The following ETS1 variants were observed in gnomAD, a reference collection of about 807,000 sequenced individuals.
The protein encoded by ETS1 is protein C-ets-1.
In ETS1, 15 loss-of-function variants were observed where a neutral mutation model predicts 58.6. The ratio of observed to expected loss-of-function variants is 0.26; its 90% CI spans 0.17 to 0.39. The LOEUF (loss-of-function observed/expected upper bound fraction) is 0.39, where lower values mean the gene tolerates loss of function less well. Among genes scored for constraint, ETS1 ranks in the 10% least tolerant of loss-of-function variants. The pLI is 1.00. For synonymous variants in ETS1, 214 were observed against 218.2 expected (o/e 0.98, Z 0.17); for missense variants, 417 against 610.5 (o/e 0.68, Z 3.34).
intron 3 of ETS1, among the ~76,000 whole-genome samples, chr11:128,535,538 T>C (rs2135536331): frequency 6.6e-6 from 1 of 152,254 alleles, no homozygotes; most frequent in East Asian, 1.9e-4. Context: ...TCTTCTAGGG[T>C]TTTTATTGGA....
chr11:128,489,012 A>G (rs1862719213), intron 5 of ETS1, among the ~76,000 whole-genome samples: 1 of 152,234 alleles, frequency 6.6e-6, no homozygotes, highest in Non-Finnish European at 1.5e-5. Context: ...GTTTGAGATA[A>G]GGACCTGGAT....
chr11:128,503,464 G>T (rs770465204), intron 3 of ETS1, among the ~76,000 whole-genome samples: 2 of 152,066 alleles, frequency 1.3e-5, no homozygotes, highest in Non-Finnish European at 2.9e-5. Context: ...TCATAAACTT[G>T]AACTACCAGG....
chr11:128,571,500 T>TCCAGCCTGGGCGACAGAG (rs1565414945), intron 2 of ETS1, among the ~76,000 whole-genome samples: 7 of 36,140 alleles, frequency 1.9e-4, no homozygotes, highest in African/African-American at 7.5e-4. Context: ...CAAGACTCCG[T>TCCAGCCTGGGCGACAGAG]CAAAAAAAAA....
chr11:128,483,853 G>T lies in ETS1; in HGVS notation c.862+970C>A, dbSNP rs559098555. On this transcript the variant is annotated intron_variant, in intron 7 of 9. Transcript: ENST00000392668. The stretch of plus-strand genomic sequence containing the variant: ...ATAGGCCAGCCCCAGCCTGACATCT[G>T]ACCCAAGCCCCGCTTGATCAGCTTT... Among the ~76,000 whole-genome samples the T allele has an allele frequency of 1.5e-3, 234 of 152,292 alleles. 1 individual carries two copies. Among genetic ancestry groups the T allele is most frequent in the African/African-American group, 5.1e-3 (212 of 41,544 alleles).
chr11:128,492,000 A>G (rs1862814829), intron 3 of ETS1, among the ~76,000 whole-genome samples: 1 of 152,242 alleles, frequency 6.6e-6, no homozygotes, highest in African/African-American at 2.4e-5. Flanking sequence ...TTCTGAATTA[A>G]CCTCAGGCAC....
intron 1 of ETS1, among the ~76,000 whole-genome samples, chr11:128,580,675 G>A (rs1439839287): frequency 1.3e-5 from 2 of 152,184 alleles, no homozygotes; most frequent in Non-Finnish European, 1.5e-5. Flanking sequence ...GACAAATGAA[G>A]GCTGTGTTCC....
At chr11:128,531,516 G>A (rs567066023) in intron 3 of ETS1, among the ~76,000 whole-genome samples, 4 of 152,268 alleles carry the variant, frequency 2.6e-5, no homozygotes, top group South Asian at 2.1e-4. Flanking sequence ...CTTCATGTGC[G>A]CTGTTAAAAT....
rs1864194170 is a variant in ETS1, at chr11:128,549,442, C to T, written c.214+6849G>A. ...GAGTTCCAGGAGAGGGGTCAAACTG[C>T]TTGAATCGCATAAGAACCCGGTGCC... On this transcript the variant is annotated intron_variant, in intron 3 of 9. Coordinates refer to ENST00000392668, the MANE Select transcript of ETS1 (RefSeq NM_001143820.2). The surrounding 1 kb of genome is among the most constrained non-coding windows in gnomAD (Gnocchi z 4.3). Among the ~76,000 whole-genome samples the T allele has an allele frequency of 6.6e-6, 1 of 152,228 alleles. No individual in the cohort carries two copies. Among genetic ancestry groups the T allele is most frequent in the African/African-American group, 2.4e-5 (1 of 41,452 alleles).
chr11:128,462,574 C>T lies in ETS1; in HGVS notation c.1245G>A (p.Val415=). 2.5e-6 allele frequency: 4 copies of T among 1,612,926 alleles called. No individual in the cohort carries two copies. Among genetic ancestry groups the T allele is most frequent in the Non-Finnish European group, 3.4e-6 (4 of 1,179,150 alleles). Residue 415 remains valine, a splice_region_variant and synonymous_variant, in exon 10 of 10, where the codon GTG becomes GTA. Coordinates refer to ENST00000392668, the MANE Select transcript of ETS1 (RefSeq NM_001143820.2). ...WEFKLSDPDE[V]ARRWGKRKNK... is the part of the protein sequence containing the mutation. ...TTTTCCTCTTTCCCCATCTCCTGGC[C>T]ACCTGAAATTTAAAAAGAAAAATAA... is the stretch of plus-strand genomic sequence containing the variant.
chr11:128,539,662 A>G (rs188437683), intron 3 of ETS1, among the ~76,000 whole-genome samples: 15 of 152,322 alleles, frequency 9.8e-5, no homozygotes, highest in African/African-American at 3.4e-4. Context: ...ATTCACACAA[A>G]AAACTTGTAC....
intron 8 of ETS1, among the ~76,000 whole-genome samples, chr11:128,478,214 T>G (rs547249452): frequency 1.4e-3 from 205 of 151,624 alleles, no homozygotes; most frequent in African/African-American, 4.5e-3. Flanking sequence ...ACTCACTAAA[T>G]GTTTTACTCC....
chr11:128,472,807 G>A (rs543567322), intron 8 of ETS1, among the ~76,000 whole-genome samples: 1 of 152,302 alleles, frequency 6.6e-6, no homozygotes, highest in Admixed American at 6.5e-5. Context: ...TTCCAGACCT[G>A]CAGCATGGTC....
At chr11:128,521,262 C>G (rs953514196) in intron 3 of ETS1, among the ~76,000 whole-genome samples, 7 of 152,310 alleles carry the variant, frequency 4.6e-5, no homozygotes, top group Admixed American at 3.3e-4. Flanking sequence ...TCCAACGGAC[C>G]TTTGGTACCA....
At chr11:128,580,496 C>T (rs779362659) in intron 1 of ETS1, among the ~76,000 whole-genome samples, 6 of 152,104 alleles carry the variant, frequency 3.9e-5, no homozygotes, top group Middle Eastern at 3.2e-3. Context: ...TTCCTTACTC[C>T]CCATGGAAAC....
At chr11:128,556,116 G>A (rs371792344) in intron 3 of ETS1, among the ~76,000 whole-genome samples, 175 bp downstream of exon 3, 4 of 152,162 alleles carry the variant, frequency 2.6e-5, no homozygotes, top group East Asian at 1.9e-4. Flanking sequence ...ACTTCCTGTC[G>A]GGGAATAAAG....
chr11:128,489,749 T>C (rs1565378153), intron 4 of ETS1, among the ~76,000 whole-genome samples: 1 of 152,210 alleles, frequency 6.6e-6, no homozygotes. Context: ...GTATTCTCTG[T>C]CCTTGCAGGC....
intron 3 of ETS1, among the ~76,000 whole-genome samples, chr11:128,544,231 T>C (rs1279938906): frequency 6.6e-6 from 1 of 151,130 alleles, no homozygotes; most frequent in Non-Finnish European, 1.5e-5. Flanking sequence ...AAAAGCTCTT[T>C]GAGATAAAAA....
chr11:128,521,797 C>G, intron 3 of ETS1: 1 of 751,732 alleles, frequency 1.3e-6, no homozygotes, highest in Non-Finnish European at 2.1e-6. Flanking sequence ...AACAGCATCC[C>G]CCGCTCCTGA....
intron 5 of ETS1, among the ~76,000 whole-genome samples, chr11:128,487,863 A>G (rs1489154357): frequency 6.6e-6 from 1 of 151,042 alleles, no homozygotes; most frequent in Non-Finnish European, 1.5e-5. Flanking sequence ...AAGGACAATA[A>G]TAGGACTTGT....
Sources: allele counts gnomAD v4.1 joint callset (sites outside exome capture counted in the v4.1 genomes callset), GRCh38; gene constraint gnomAD v4.1.1; non-coding constraint Gnocchi (gnomAD v3.1); transcripts MANE v1.5; gene names NCBI Gene and HGNC (gene_info 2026-07-23, HGNC 2026-07-21).